The following PKN2 variants were observed in gnomAD, a reference collection of about 807,000 sequenced individuals.
PKN2 encodes the protein serine/threonine-protein kinase N2.
PKN2 carries 38 observed loss-of-function variants against 119.1 expected under a neutral mutation model. The ratio of observed to expected loss-of-function variants is 0.32; its 90% CI spans 0.25 to 0.42. PKN2 has a LOEUF of 0.42. PKN2 is among the 10% of genes least tolerant of loss of function. The pLI, the probability that PKN2 is intolerant of heterozygous loss-of-function variation, is 1.00. For missense variants in PKN2, 850 were observed against 1,165.1 expected (o/e 0.73, Z 3.94); for synonymous variants, 390 against 384.9 (o/e 1.01, Z -0.15).
At chr1:88,689,053 AT>A (rs533407708) in intron 1 of PKN2, among the ~76,000 whole-genome samples, 157 of 152,302 alleles carry the variant, frequency 1.0e-3, no homozygotes, top group African/African-American at 3.6e-3. Context: ...ACGGCATCTA[AT>A]TTTGCAGTGA....
chr1:88,715,937 A>G (rs1667431728), intron 1 of PKN2, among the ~76,000 whole-genome samples: 2 of 152,194 alleles, frequency 1.3e-5, no homozygotes, highest in South Asian at 2.1e-4. Flanking sequence ...ATTTAGTGCT[A>G]TAAATTTCTC....
intron 1 of PKN2, among the ~76,000 whole-genome samples, chr1:88,691,711 C>T (rs1379053081): frequency 6.6e-6 from 1 of 152,144 alleles, no homozygotes; most frequent in Non-Finnish European, 1.5e-5. Context: ...TGTTCATTCT[C>T]TTCCTTATAT....
chr1:88,803,799 C>T (rs17130614), intron 8 of PKN2, among the ~76,000 whole-genome samples: 6,062 of 152,198 alleles, frequency 0.04, 279 homozygotes, highest in African/African-American at 0.1. Flanking sequence ...AAAGCTTGGT[C>T]TGAATTTCCC....
intron 1 of PKN2, among the ~76,000 whole-genome samples, chr1:88,728,654 T>A (rs1216797772): frequency 6.6e-6 from 1 of 152,196 alleles, no homozygotes; most frequent in Non-Finnish European, 1.5e-5. Flanking sequence ...CTGATCCTGC[T>A]ATACGTTTTA....
At position 88,786,286 on chromosome 1, in the gene PKN2, C is replaced by A. The variant is rs946366181; in HGVS notation, c.1281+73C>A. The A allele has an allele frequency of 1.1e-5, 8 of 729,684 alleles. No homozygotes were observed. The African/African-American group carries it at 1.3e-4, about 12-fold the overall frequency. 45.2% of individuals were successfully genotyped at this position (729,684 alleles called of 1,614,324 possible). A position where few individuals can be genotyped will look rare whatever the true frequency, so the allele number is the denominator to read the frequency against. ...AATGTGAGTTATATTTTTTAGAAGG[C>A]TTCAACAAGTTGTATTCTTAACAAG... On this transcript the variant is annotated intron_variant, in intron 8 of 21. Coordinates refer to ENST00000370521, the MANE Select transcript of PKN2 (RefSeq NM_006256.4).
intron 1 of PKN2, among the ~76,000 whole-genome samples, chr1:88,722,359 CTT>C (rs1362491503): frequency 2.0e-5 from 3 of 152,084 alleles, no homozygotes; most frequent in African/African-American, 7.2e-5. Context: ...TGAGGTCTGT[CTT>C]TATTTCTGAT....
At chr1:88,833,220 A>G (rs766282794) in intron 21 of PKN2, 25 bp from the exon 22 acceptor site, 5 of 1,609,046 alleles carry the variant, frequency 3.1e-6, no homozygotes, top group African/African-American at 1.3e-5. Flanking sequence ...AAACTAAACT[A>G]GTCATTTTTT....
chr1:88,713,084 T>C (rs1259127096), intron 1 of PKN2, among the ~76,000 whole-genome samples: 2 of 152,220 alleles, frequency 1.3e-5, no homozygotes, highest in Non-Finnish European at 1.5e-5. Context: ...TTCATCCATG[T>C]CCCTACAAAG....
chr1:88,770,576 A>C, intron 4 of PKN2, 107 bp downstream of exon 4: 1 of 587,940 alleles, frequency 1.7e-6, no homozygotes. Flanking sequence ...CATTACTATT[A>C]CTTTTTTTTT....
chr1:88,718,296 C>G (rs560618372), intron 1 of PKN2, among the ~76,000 whole-genome samples: 192 of 152,326 alleles, frequency 1.3e-3, no homozygotes, highest in Non-Finnish European at 2.3e-3. Flanking sequence ...AGGAGGCAGT[C>G]TGTCCGTTCT....
intron 18 of PKN2, among the ~76,000 whole-genome samples, chr1:88,826,529 C>T (rs1163279064): frequency 6.6e-6 from 1 of 152,000 alleles, no homozygotes; most frequent in Non-Finnish European, 1.5e-5. Flanking sequence ...ATATTCGTCA[C>T]CCAAATAACA....
chr1:88,720,502 T>C (rs1047063252), intron 1 of PKN2, among the ~76,000 whole-genome samples: 9 of 152,180 alleles, frequency 5.9e-5, no homozygotes, highest in Admixed American at 1.3e-4. Context: ...TCCAAAATGC[T>C]CCTAGGAGGT....
chr1:88,764,589 C>A (rs1669582132), intron 3 of PKN2, among the ~76,000 whole-genome samples: 1 of 152,246 alleles, frequency 6.6e-6, no homozygotes, highest in African/African-American at 2.4e-5. Flanking sequence ...TACCGCTTCG[C>A]TGCCCATTTG....
intron 1 of PKN2, among the ~76,000 whole-genome samples, chr1:88,715,817 A>T (rs1411910137): frequency 6.6e-6 from 1 of 151,696 alleles, no homozygotes; most frequent in Admixed American, 6.6e-5. Flanking sequence ...GATCTTAGTT[A>T]TTTCTTGCTT....
intron 8 of PKN2, among the ~76,000 whole-genome samples, chr1:88,803,271 A>C (rs561974768): frequency 6.6e-6 from 1 of 152,212 alleles, no homozygotes; most frequent in African/African-American, 2.4e-5. Context: ...TGCATTTTTT[A>C]TAAGTGTTTT....
In PKN2 at chr1:88,834,769, T is replaced by A. The variant is rs1672876402; in HGVS notation, c.*1321T>A. 1 of 152,392 alleles carries A rather than the reference T, an allele frequency of 6.6e-6. No individual in the cohort carries two copies. The highest frequency in any genetic ancestry group is 1.5e-5 in the Non-Finnish European group (1 of 67,954). 9.4% of individuals were successfully genotyped at this position (152,392 alleles called of 1,614,324 possible). A position where few individuals can be genotyped will look rare whatever the true frequency, so the allele number is the denominator to read the frequency against. ...CTTTTTATACTCTTTTAGGGTTGTC[T>A]TTTTACAAACCATGACTTTCCACTT... On this transcript the variant is annotated 3_prime_UTR_variant, in exon 22 of 22. Coordinates refer to ENST00000370521, the MANE Select transcript of PKN2 (RefSeq NM_006256.4).
intron 6 of PKN2, among the ~76,000 whole-genome samples, chr1:88,780,358 A>C (rs1275123015): frequency 6.6e-6 from 1 of 152,200 alleles, no homozygotes; most frequent in Non-Finnish European, 1.5e-5. Flanking sequence ...GTTAAAAAAT[A>C]GTTTAATAAA....
At chr1:88,763,035 A>G (rs961841396) in intron 3 of PKN2, among the ~76,000 whole-genome samples, 2 of 152,214 alleles carry the variant, frequency 1.3e-5, no homozygotes, top group Admixed American at 6.5e-5. Flanking sequence ...ATTAAAAGCC[A>G]TAGGGAAACA....
At chr1:88,696,071 G>A (rs1331922981) in intron 1 of PKN2, among the ~76,000 whole-genome samples, 1 of 152,146 alleles carries the variant, frequency 6.6e-6, no homozygotes, top group Non-Finnish European at 1.5e-5. Context: ...TGTTAATTAA[G>A]CTTTGAGGAC....
Sources: gnomAD v4.1 joint callset for allele counts (sites outside exome capture counted in the v4.1 genomes callset) on GRCh38, gnomAD v4.1.1 for gene constraint, MANE v1.5 for transcripts, NCBI Gene and HGNC (gene_info 2026-07-23, HGNC 2026-07-21) for gene names.